Variants in PKDREJ observed in about 807,000 individuals in gnomAD.
PKDREJ encodes the protein PKD and REJ homolog.
For missense variants in PKDREJ, 2,507 were observed against 2,807.2 expected, an observed-to-expected ratio of 0.89 and a Z score of 2.42; for synonymous variants, 1,031 against 1,095.5, an observed-to-expected ratio of 0.94 and a Z score of 1.16.
In PKDREJ at chr22:46,262,699, C is replaced by T; in HGVS notation, c.624G>A (p.Val208=). 3 of 1,612,940 alleles carry T rather than the reference C, an allele frequency of 1.9e-6. No individual in the cohort carries two copies. Among genetic ancestry groups the T allele is most frequent in the South Asian group, 2.2e-5 (2 of 91,066 alleles). ...TGACGCAGGCGTTTATCTGACAGGA[C>T]ACGGACGACTCGACGGCTCTGTGGC... is the stretch of plus-strand genomic sequence containing the variant. The part of the protein sequence containing the change: ...SSSHRAVESS[V]SCQINACVIQ... The change falls in exon 1 of 1, where the codon GTG becomes GTA. Residue 208 remains valine (V), a synonymous_variant. Coordinates refer to ENST00000253255, the MANE Select transcript of PKDREJ (RefSeq NM_006071.2). The surrounding 1 kb of genome is among the most constrained non-coding windows in gnomAD (Gnocchi z 8.1).
Position 46,259,623 on chromosome 22 carries a change from C to T in PKDREJ, c.3700G>A (p.Val1234Met), listed in dbSNP as rs768198057. 9.9e-6 allele frequency: 16 copies of T among 1,614,070 alleles called. 1 individual carries two copies. The South Asian group carries it at 1.6e-4, about 17-fold the overall frequency. Residue 1234 changes from valine (V) to methionine (M), a missense_variant, in exon 1 of 1, where the codon GTG becomes ATG. Coordinates refer to ENST00000253255, the MANE Select transcript of PKDREJ (RefSeq NM_006071.2). This position sits in a 1 kb window ranked among gnomAD's most constrained non-coding sequence, Gnocchi z 6.8. ...NDPYDNLCYLVTIFTGSRWGS... is the reference protein window; with the variant it reads ...NDPYDNLCYLMTIFTGSRWGS... The stretch of plus-strand genomic sequence containing the variant: ...CAACGACTTCCTGTAAAAATAGTCA[C>T]CAAGTAGCATAAATTATCATAAGGA...
At position 46,259,510 on chromosome 22, in the gene PKDREJ, G is replaced by T; in HGVS notation, c.3813C>A (p.Phe1271Leu). The T allele has an allele frequency of 6.2e-7, 1 of 1,614,188 alleles. No homozygotes were observed. Among genetic ancestry groups the T allele is most frequent in the Non-Finnish European group, 8.5e-7 (1 of 1,180,040 alleles). The change falls in exon 1 of 1, where the codon TTC becomes TTA. Residue 1271 changes from phenylalanine to leucine, a missense_variant. Phe to Leu is a conservative substitution (Grantham distance 22). Transcript: ENST00000253255. This position sits in a 1 kb window ranked among gnomAD's most constrained non-coding sequence, Gnocchi z 6.8. ...TGATGCTACCTCGGTAGAGAGTTGTGAAATGTGGATGGCTTAAACAATGCA... is the reference window on the plus strand; with the variant it reads ...TGATGCTACCTCGGTAGAGAGTTGTTAAATGTGGATGGCTTAAACAATGCA... ...SDVHCLSHPHFTTLYRGSINT... is the reference protein window; with the variant it reads ...SDVHCLSHPHLTTLYRGSINT...
chr22:46,263,242 A>G lies in PKDREJ; in HGVS notation c.81T>C (p.Pro27=), dbSNP rs1936721273. Residue 27 remains proline (P), a synonymous_variant, in exon 1 of 1, where the codon CCT becomes CCC. Coordinates refer to ENST00000253255, the MANE Select transcript of PKDREJ (RefSeq NM_006071.2). This position sits in a 1 kb window ranked among gnomAD's most constrained non-coding sequence, Gnocchi z 9.4. ...SVGRLPLPPV[P]RGAQAAVSGA... Reference sequence around the variant, plus strand: ...CGGAGACGGCGGCTTGTGCCCCGCGAGGAACCGGCGGCAGCGGGAGGCGGC... The same window carrying G: ...CGGAGACGGCGGCTTGTGCCCCGCGGGGAACCGGCGGCAGCGGGAGGCGGC... 3 of 1,429,746 alleles carry G rather than the reference A, an allele frequency of 2.1e-6. No homozygotes were observed. The highest frequency in any genetic ancestry group is 2.7e-6 in the Non-Finnish European group (3 of 1,094,822). 88.6% of individuals were successfully genotyped at this position (1,429,746 alleles called of 1,614,324 possible).
In PKDREJ at chr22:46,261,228, G is replaced by T; in HGVS notation, c.2095C>A (p.Gln699Lys). The T allele has an allele frequency of 6.2e-7, 1 of 1,613,918 alleles. No homozygotes were observed. ...CCTGCAGGTAAAAAATCCTTCTTTT[G>T]AATCAAAGTAGACAGCAATGAACTT... Reference protein sequence around the residue: ...GPSSLLSTLIQKKDFLPAGYL... With the variant: ...GPSSLLSTLIKKKDFLPAGYL... The change falls in exon 1 of 1, where the codon CAA (glutamine) becomes AAA (lysine). Residue 699 changes from glutamine to lysine, a missense_variant. By Grantham distance (53) the Gln-to-Lys change is moderately conservative (BLOSUM62 1). Coordinates refer to ENST00000253255, the MANE Select transcript of PKDREJ (RefSeq NM_006071.2). This position sits in a 1 kb window ranked among gnomAD's most constrained non-coding sequence, Gnocchi z 7.1.
rs1166382275 is a variant in PKDREJ at position 46,259,729 on chromosome 22, C to T, written c.3594G>A (p.Val1198=). ...TGTATAAAGCCCAAAAAGCTAGGCCCACGTATAAGAGAATAATGAAAAGCA... is the reference window on the plus strand; with the variant it reads ...TGTATAAAGCCCAAAAAGCTAGGCCTACGTATAAGAGAATAATGAAAAGCA... ...FTVLFIILLY[V]GLAFWALYRD... Residue 1198 remains valine (V), a synonymous_variant, in exon 1 of 1, where the codon GTG becomes GTA. Coordinates refer to ENST00000253255, the MANE Select transcript of PKDREJ (RefSeq NM_006071.2). This position sits in a 1 kb window ranked among gnomAD's most constrained non-coding sequence, Gnocchi z 6.8. 1.2e-6 allele frequency: 2 copies of T among 1,614,002 alleles called. No individual in the cohort carries two copies. The highest frequency in any genetic ancestry group is 1.3e-5 in the African/African-American group (1 of 74,904).
Position 46,260,996 on chromosome 22 carries a change from C to A in PKDREJ, c.2327G>T (p.Arg776Leu). ...PSEFTWDAQK[R>L]ATMRVWQANQ... ...TGCTTGCCATACCCTCATGGTGGCA[C>A]GTTTCTGAGCATCCCAAGTGAATTC... The change falls in exon 1 of 1, where the codon CGT (arginine) becomes CTT (leucine). Residue 776 changes from arginine to leucine, a missense_variant. Physicochemically the swap from Arg to Leu is moderately radical, Grantham distance 102 (BLOSUM62 -2). Coordinates refer to ENST00000253255, the MANE Select transcript of PKDREJ (RefSeq NM_006071.2). This position sits in a 1 kb window ranked among gnomAD's most constrained non-coding sequence, Gnocchi z 4.5. 6.2e-7 allele frequency: 1 copy of A among 1,614,126 alleles called. No homozygotes were observed. The highest frequency in any genetic ancestry group is 8.5e-7 in the Non-Finnish European group (1 of 1,179,996).
At position 46,258,026 on chromosome 22, in the gene PKDREJ, C is replaced by G. The variant is rs1343075231; in HGVS notation, c.5297G>C (p.Ser1766Thr). ...KLEDIYRWLN[S>T]VLLPLLHNDL... Reference sequence around the variant, plus strand: ...ATTGTGTAACAAAGGCAACAGCACGCTGTTTAGCCATCTATAGATGTCTTC... The same window carrying G: ...ATTGTGTAACAAAGGCAACAGCACGGTGTTTAGCCATCTATAGATGTCTTC... The change falls in exon 1 of 1, where the codon AGC (serine) becomes ACC (threonine). Residue 1766 changes from serine (S) to threonine (T), a missense_variant. Physicochemically the swap from Ser to Thr is moderately conservative, Grantham distance 58 (BLOSUM62 1). Transcript: ENST00000253255. The surrounding 1 kb of genome is among the most constrained non-coding windows in gnomAD (Gnocchi z 6.1). The G allele has an allele frequency of 2.5e-6, 4 of 1,614,028 alleles. No individual in the cohort carries two copies. Among genetic ancestry groups the G allele is most frequent in the Non-Finnish European group, 3.4e-6 (4 of 1,179,986 alleles).
Position 46,260,922 on chromosome 22 carries a change from C to T in PKDREJ, c.2401G>A (p.Glu801Lys). The T allele has an allele frequency of 6.2e-7, 1 of 1,614,148 alleles. No homozygotes were observed. Among genetic ancestry groups the T allele is most frequent in the Non-Finnish European group, 8.5e-7 (1 of 1,180,000 alleles). The change falls in exon 1 of 1, where the codon GAA (glutamate) becomes AAA (lysine). Residue 801 changes from glutamate (E) to lysine (K), a missense_variant. Glu to Lys is a moderately conservative substitution (Grantham distance 56). Transcript: ENST00000253255. The surrounding 1 kb of genome is among the most constrained non-coding windows in gnomAD (Gnocchi z 4.5). ...CCAGTACTCACGATTTCTATTTGTT[C>T]AGATCGAAAGCGTTTATCTTTTTGC... is the stretch of plus-strand genomic sequence containing the variant. Reference protein sequence around the residue: ...YQQKDKRFRSEQIEIVSTGIL... With the variant: ...YQQKDKRFRSKQIEIVSTGIL...
chr22:46,259,241 T>C lies in PKDREJ; in HGVS notation c.4082A>G (p.Asp1361Gly). The change falls in exon 1 of 1, where the codon GAT becomes GGT. Residue 1361 changes from aspartate to glycine, a missense_variant. Coordinates refer to ENST00000253255, the MANE Select transcript of PKDREJ (RefSeq NM_006071.2). The surrounding 1 kb of genome is among the most constrained non-coding windows in gnomAD (Gnocchi z 6.8). ...RLTRKDFFFI[D>G]VSSNLRKNHM... ...GTTTTTCCGGAGATTACTACTCACA[T>C]CTATAAAGAAAAAGTCTTTTCTAGT... 7 of 1,613,872 alleles carry C rather than the reference T, an allele frequency of 4.3e-6. No individual in the cohort carries two copies. Among genetic ancestry groups the C allele is most frequent in the Non-Finnish European group, 5.9e-6 (7 of 1,179,966 alleles).
In PKDREJ at chr22:46,257,853, G is replaced by T; in HGVS notation, c.5470C>A (p.His1824Asn). Residue 1824 changes from histidine to asparagine, a missense_variant, in exon 1 of 1, where the codon CAC (histidine) becomes AAC (asparagine). By Grantham distance (68) the His-to-Asn change is moderately conservative (BLOSUM62 1). Transcript: ENST00000253255. This position sits in a 1 kb window ranked among gnomAD's most constrained non-coding sequence, Gnocchi z 4.7. ...TCTGGGTCAATGCCATATTTGGGGTGACAATGAATTTCTCTTCTGATGCTG... is the reference window on the plus strand; with the variant it reads ...TCTGGGTCAATGCCATATTTGGGGTTACAATGAATTTCTCTTCTGATGCTG... ...QNSIRREIHC[H>N]PKYGIDPEDT... 6.2e-7 allele frequency: 1 copy of T among 1,614,150 alleles called. No individual in the cohort carries two copies. Among genetic ancestry groups the T allele is most frequent in the South Asian group, 1.1e-5 (1 of 91,056 alleles).
Position 46,262,965 on chromosome 22 carries a change from G to T in PKDREJ, c.358C>A (p.Arg120Ser). 8.7e-7 allele frequency: 1 copy of T among 1,144,916 alleles called. No homozygotes were observed. 70.9% of individuals were successfully genotyped at this position (1,144,916 alleles called of 1,614,324 possible). A position where few individuals can be genotyped will look rare whatever the true frequency, so the allele number is the denominator to read the frequency against. The change falls in exon 1 of 1, where the codon CGC becomes AGC. Residue 120 changes from arginine (R) to serine (S), a missense_variant. Arg to Ser is a moderately radical substitution (Grantham distance 110). Coordinates refer to ENST00000253255, the MANE Select transcript of PKDREJ (RefSeq NM_006071.2). This position sits in a 1 kb window ranked among gnomAD's most constrained non-coding sequence, Gnocchi z 8.1. Reference protein sequence around the residue: ...LALVDLQLSARGGRLSLTWSV... With the variant: ...LALVDLQLSASGGRLSLTWSV... ...CACGTCAGGGAGAGGCGGCCGCCGCGCGCGGAGAGCTGCAGGTCGACGAGC... is the reference window on the plus strand; with the variant it reads ...CACGTCAGGGAGAGGCGGCCGCCGCTCGCGGAGAGCTGCAGGTCGACGAGC...
Position 46,263,326 on chromosome 22 carries a change from G to T in PKDREJ, c.-4C>A, listed in dbSNP as rs1376117668. On this transcript the variant is annotated 5_prime_UTR_variant, in exon 1 of 1. Coordinates refer to ENST00000253255, the MANE Select transcript of PKDREJ (RefSeq NM_006071.2). The surrounding 1 kb of genome is among the most constrained non-coding windows in gnomAD (Gnocchi z 9.4). ...GGAGAGCGGGCCCAGGCCTCATGGCGCCGGCCCAGGAGAAGCTGGGAGAGG... is the reference window on the plus strand; with the variant it reads ...GGAGAGCGGGCCCAGGCCTCATGGCTCCGGCCCAGGAGAAGCTGGGAGAGG... 1.4e-6 allele frequency: 2 copies of T among 1,393,834 alleles called. No individual in the cohort carries two copies. The highest frequency in any genetic ancestry group is 3.6e-5 in the Admixed American group (1 of 27,876). 86.3% of individuals were successfully genotyped at this position (1,393,834 alleles called of 1,614,324 possible). A position where few individuals can be genotyped will look rare whatever the true frequency, so the allele number is the denominator to read the frequency against.
At position 46,260,378 on chromosome 22, in the gene PKDREJ, G is replaced by T. The variant is rs150812606; in HGVS notation, c.2945C>A (p.Thr982Lys). The stretch of plus-strand genomic sequence containing the variant: ...GTCCACTTGAAAGCTAAACCCACCT[G>T]TCGTCTTCTTCAAGGACCCATCAAC... ...SEVDGSLKKT[T>K]GGFSFQVDST... Residue 982 changes from threonine to lysine, a missense_variant, in exon 1 of 1, where the codon ACA (threonine) becomes AAA (lysine). Coordinates refer to ENST00000253255, the MANE Select transcript of PKDREJ (RefSeq NM_006071.2). The surrounding 1 kb of genome is among the most constrained non-coding windows in gnomAD (Gnocchi z 4.5). The T allele has an allele frequency of 5.0e-6, 8 of 1,614,066 alleles. No individual in the cohort carries two copies. The highest frequency in any genetic ancestry group is 2.2e-5 in the South Asian group (2 of 91,086).
rs141502138 is a variant in PKDREJ at position 46,258,291 on chromosome 22, C to T, written c.5032G>A (p.Val1678Ile). The change falls in exon 1 of 1, where the codon GTC becomes ATC. Residue 1678 changes from valine to isoleucine, a missense_variant. Coordinates refer to ENST00000253255, the MANE Select transcript of PKDREJ (RefSeq NM_006071.2). The surrounding 1 kb of genome is among the most constrained non-coding windows in gnomAD (Gnocchi z 6.1). The part of the protein sequence containing the change: ...EEMQRIHDQI[V>I]RIRGTRMYQP... ...TACATCCTCGTGCCTCGGATTCGGACGATCTGGTCATGTATCCTCTGCATT... is the reference window on the plus strand; with the variant it reads ...TACATCCTCGTGCCTCGGATTCGGATGATCTGGTCATGTATCCTCTGCATT... The T allele has an allele frequency of 7.7e-5, 125 of 1,614,174 alleles. 1 individual carries two copies. In the East Asian group the frequency reaches 1.2e-3, roughly 16 times the overall value.
Position 46,257,606 on chromosome 22 carries a change from C to A in PKDREJ, c.5717G>T (p.Trp1906Leu), listed in dbSNP as rs776972299. ...CACAGCCCATGTCTTCTCATCCAGC[C>A]AATTGCTTTCTTGAAGTTCTTTGAG... ...LRLKELQESN[W>L]LDEKTWAVVL... Residue 1906 changes from tryptophan to leucine, a missense_variant, in exon 1 of 1, where the codon TGG becomes TTG. Trp to Leu is a moderately conservative substitution (Grantham distance 61, BLOSUM62 -2). Coordinates refer to ENST00000253255, the MANE Select transcript of PKDREJ (RefSeq NM_006071.2). The surrounding 1 kb of genome is among the most constrained non-coding windows in gnomAD (Gnocchi z 4.7). 6.2e-7 allele frequency: 1 copy of A among 1,614,056 alleles called. No individual in the cohort carries two copies.
rs767523991 is a variant in PKDREJ at position 46,260,928 on chromosome 22, G to A, written c.2395C>T (p.Arg799Ter). 27 of 1,613,982 alleles carry A rather than the reference G, an allele frequency of 1.7e-5. No individual in the cohort carries two copies. The highest frequency in any genetic ancestry group is 6.7e-5 in the Admixed American group (4 of 59,988). The change falls in exon 1 of 1, where the codon CGA becomes TGA. Residue 799 changes from arginine to a stop codon, truncating the protein, a stop_gained. Transcript: ENST00000253255. LOFTEE classifies it low-confidence loss of function (END_TRUNC). This position sits in a 1 kb window ranked among gnomAD's most constrained non-coding sequence, Gnocchi z 4.5. ...CTCACGATTTCTATTTGTTCAGATC[G>A]AAAGCGTTTATCTTTTTGCTGATAC... ...QEYQQKDKRF[R>*]SEQIEIVSTG...
At position 46,256,630 on chromosome 22, in the gene PKDREJ, G is replaced by A. The variant is rs1224072926; in HGVS notation, c.6693C>T (p.Asn2231=). The change falls in exon 1 of 1, where the codon AAC becomes AAT. Residue 2231 remains asparagine (N), a synonymous_variant. Transcript: ENST00000253255. This position sits in a 1 kb window ranked among gnomAD's most constrained non-coding sequence, Gnocchi z 5.3. ...TCTTCAGCCCCAGATAACGGTGGCT[G>A]TTCTTCTCTGGCTGCCCATACAGCA... ...IDMLYGQPEK[N]SHRYLGLKTR... 5.0e-6 allele frequency: 8 copies of A among 1,614,066 alleles called. No individual in the cohort carries two copies. The highest frequency in any genetic ancestry group is 1.1e-5 in the South Asian group (1 of 91,082).
chr22:46,257,756 A>T lies in PKDREJ; in HGVS notation c.5567T>A (p.Phe1856Tyr). Residue 1856 changes from phenylalanine to tyrosine, a missense_variant, in exon 1 of 1, where the codon TTT becomes TAT. Physicochemically the swap from Phe to Tyr is conservative, Grantham distance 22. Transcript: ENST00000253255. This position sits in a 1 kb window ranked among gnomAD's most constrained non-coding sequence, Gnocchi z 4.7. ...TTGCGTTCCTTGAGGCTTATAAGTA[A>T]ATCCATTGGTACTCTCATCTATAGC... ...KQAIDESTNGFTYKPQGTQWL... is the reference protein window; with the variant it reads ...KQAIDESTNGYTYKPQGTQWL... 6.2e-7 allele frequency: 1 copy of T among 1,614,160 alleles called. No homozygotes were observed.
chr22:46,258,602 C>G lies in PKDREJ; in HGVS notation c.4721G>C (p.Trp1574Ser), dbSNP rs1290640253. ...AAACCATGCAACATAAACACACCACCAAGGTAGGACGATCCGGGGCTTTTT... is the reference window on the plus strand; with the variant it reads ...AAACCATGCAACATAAACACACCACGAAGGTAGGACGATCCGGGGCTTTTT... ...LKKKPRIVLP[W>S]WCVYVAWFLV... The change falls in exon 1 of 1, where the codon TGG (tryptophan) becomes TCG (serine). Residue 1574 changes from tryptophan (W) to serine (S), a missense_variant. Trp to Ser is a radical substitution (Grantham distance 177). Coordinates refer to ENST00000253255, the MANE Select transcript of PKDREJ (RefSeq NM_006071.2). This position sits in a 1 kb window ranked among gnomAD's most constrained non-coding sequence, Gnocchi z 6.1. 4 of 1,614,070 alleles carry G rather than the reference C, an allele frequency of 2.5e-6. No individual in the cohort carries two copies. Among genetic ancestry groups the G allele is most frequent in the South Asian group, 2.2e-5 (2 of 91,078 alleles).
Sources: gnomAD v4.1 joint callset for allele counts on GRCh38, gnomAD v4.1.1 for gene constraint, Gnocchi (gnomAD v3.1) non-coding constraint, MANE v1.5 for transcripts, NCBI Gene and HGNC (gene_info 2026-07-23, HGNC 2026-07-21) for gene names.